The following COP1 variants were observed in gnomAD, a reference collection of about 807,000 sequenced individuals.
The protein encoded by COP1 is COP1 E3 ubiquitin ligase.
In COP1, 24 loss-of-function variants were observed where a neutral mutation model predicts 101.3. That is an observed-to-expected ratio of 0.24 (90% confidence interval 0.17 to 0.33). The LOEUF is 0.33. COP1 is among the 10% of genes least tolerant of loss of function. The probability of loss-of-function intolerance (pLI) is 1.00; values close to 1 mark genes in which losing one functional copy is unlikely to be tolerated. For synonymous variants in COP1, 347 were observed against 341.9 expected, an observed-to-expected ratio of 1.01 and a Z score of -0.17; for missense variants, 663 against 906.2, an observed-to-expected ratio of 0.73 and a Z score of 3.45.
At chr1:175,956,302 G>C (rs922842448) in intron 18 of COP1, among the ~76,000 whole-genome samples, 2 of 151,952 alleles carry the variant, frequency 1.3e-5, no homozygotes, top group Non-Finnish European at 2.9e-5. Context: ...AACCATATGT[G>C]TGCTAAAACA....
At chr1:176,173,839 T>G (rs1410558870) in intron 3 of COP1, among the ~76,000 whole-genome samples, 1 of 150,830 alleles carries the variant, frequency 6.6e-6, no homozygotes, top group Non-Finnish European at 1.5e-5. Flanking sequence ...AACACAAAAA[T>G]TAGCCGGGTA....
intron 18 of COP1, chr1:175,968,258 G>C (rs1652472016): frequency 4.1e-6 from 1 of 241,170 alleles, no homozygotes; most frequent in South Asian, 5.1e-5. Context: ...AAACTCGTAA[G>C]ATACCTCAAA....
At chr1:176,010,297 A>G (rs1664423000) in intron 15 of COP1, among the ~76,000 whole-genome samples, 1 of 152,200 alleles carries the variant, frequency 6.6e-6, no homozygotes, top group Non-Finnish European at 1.5e-5. Flanking sequence ...ATATCATTAT[A>G]TCACACTCAA....
At chr1:176,098,116 C>CT (rs1187353153) in intron 9 of COP1, among the ~76,000 whole-genome samples, 2 of 152,004 alleles carry the variant, frequency 1.3e-5, no homozygotes, top group African/African-American at 2.4e-5. Flanking sequence ...TATAACCTGC[C>CT]TTTTTTGGTT....
intron 1 of COP1, among the ~76,000 whole-genome samples, chr1:176,192,013 G>C (rs573956466): frequency 1.1e-4 from 16 of 152,162 alleles, no homozygotes; most frequent in African/African-American, 3.9e-4. Flanking sequence ...AAAAGGATGA[G>C]ACCACAATGG....
chr1:176,021,132 G>A (rs1414431187), intron 15 of COP1, among the ~76,000 whole-genome samples: 1 of 152,164 alleles, frequency 6.6e-6, no homozygotes, highest in African/African-American at 2.4e-5. Context: ...CCAGGTGTGA[G>A]CCACCAGGTC....
At chr1:176,005,789 T>C (rs1448746928) in intron 15 of COP1, among the ~76,000 whole-genome samples, 2 of 152,002 alleles carry the variant, frequency 1.3e-5, no homozygotes, top group African/African-American at 4.8e-5. Context: ...AATTTTGGAA[T>C]AGGTGTGGTG....
At chr1:176,037,040 T>G (rs1669680421) in intron 14 of COP1, among the ~76,000 whole-genome samples, 1 of 152,112 alleles carries the variant, frequency 6.6e-6, no homozygotes, top group South Asian at 2.1e-4. Flanking sequence ...AATTCTTAGT[T>G]AAAACCTTCA....
intron 18 of COP1, among the ~76,000 whole-genome samples, chr1:175,957,737 T>C (rs994863702): frequency 6.6e-6 from 1 of 152,204 alleles, no homozygotes. Context: ...TTTATGAATG[T>C]TTACAGCGGC....
intron 12 of COP1, among the ~76,000 whole-genome samples, chr1:176,044,839 C>T (rs1001726950): frequency 1.3e-5 from 2 of 152,174 alleles, no homozygotes; most frequent in African/African-American, 4.8e-5. Flanking sequence ...AAGTATTGCA[C>T]ATTTTTACAC....
chr1:175,949,168 CAAAAAAAAAA>C (rs56280543), intron 18 of COP1, among the ~76,000 whole-genome samples: 1 of 43,142 alleles, frequency 2.3e-5, no homozygotes, highest in Non-Finnish European at 3.8e-5. Flanking sequence ...GGCTCCGTCT[CAAAAAAAAAA>C]AAAAAAAAAA....
At chr1:176,106,642 T>A (rs1398642782) in intron 9 of COP1, among the ~76,000 whole-genome samples, 2 of 152,176 alleles carry the variant, frequency 1.3e-5, no homozygotes, top group Non-Finnish European at 2.9e-5. Flanking sequence ...ACAGCTTCAA[T>A]TCCCTATTAT....
At chr1:176,063,482 A>G (rs1392896317) in intron 11 of COP1, among the ~76,000 whole-genome samples, 1 of 152,248 alleles carries the variant, frequency 6.6e-6, no homozygotes. Flanking sequence ...TTGTGATTTT[A>G]TATTTCTTAA....
rs141758186 is a variant in COP1 at position 176,099,488 on chromosome 1, A to T, written c.1027-13598T>A. Among the ~76,000 whole-genome samples, 1,400 of 148,434 alleles carry T rather than the reference A, an allele frequency of 9.4e-3. 24 individuals are homozygous for T. The highest frequency in any genetic ancestry group is 0.033 in the African/African-American group (1,330 of 40,200). ...TGAGTATGGCACACTCCTGTGAAAA[A>T]AATTTGGAGCATATTTGTCTCTCTC... is the stretch of plus-strand genomic sequence containing the variant. On this transcript the variant is annotated intron_variant, in intron 9 of 19. Coordinates refer to ENST00000367669, the MANE Select transcript of COP1 (RefSeq NM_022457.7).
rs148777449 is a variant in COP1, at chr1:175,966,093, T to G, written c.2134-18854A>C. 6.2e-3 allele frequency among the ~76,000 whole-genome samples: 939 copies of G among 152,298 alleles called. 13 individuals carry two copies. Among genetic ancestry groups the G allele is most frequent in the African/African-American group, 0.021 (886 of 41,554 alleles). On this transcript the variant is annotated intron_variant, in intron 18 of 19. Coordinates refer to ENST00000367669, the MANE Select transcript of COP1 (RefSeq NM_022457.7). ...TTTTTGTCCCTGACTTTTCTTTCAG[T>G]ATGTGGTCTTTCAGAGTTGACTTGG...
chr1:176,183,348 AATAAT>A (rs1698028060), intron 2 of COP1, among the ~76,000 whole-genome samples: 1 of 152,236 alleles, frequency 6.6e-6, no homozygotes, highest in Non-Finnish European at 1.5e-5. Flanking sequence ...CTAAGGCTAA[AATAAT>A]ATGCCAACAG....
intron 1 of COP1, among the ~76,000 whole-genome samples, chr1:176,186,220 G>C (rs1457538206): frequency 6.6e-6 from 1 of 151,974 alleles, no homozygotes; most frequent in East Asian, 1.9e-4. Flanking sequence ...TTTTGAGAAA[G>C]GGGTATTTTA....
intron 1 of COP1, among the ~76,000 whole-genome samples, chr1:176,189,391 C>T (rs984483424): frequency 3.3e-5 from 5 of 151,104 alleles, no homozygotes; most frequent in African/African-American, 9.7e-5. Flanking sequence ...TTTCTTTTTC[C>T]GTTGGGAATT....
At chr1:176,107,040 C>A (rs1398216924) in intron 9 of COP1, among the ~76,000 whole-genome samples, 1 of 152,128 alleles carries the variant, frequency 6.6e-6, no homozygotes, top group African/African-American at 2.4e-5. Context: ...GGATCCCTTT[C>A]AATAAATACA....
Sources: allele counts gnomAD v4.1 joint callset (sites outside exome capture counted in the v4.1 genomes callset), GRCh38; gene constraint gnomAD v4.1.1; transcripts MANE v1.5; gene names NCBI Gene and HGNC (gene_info 2026-07-23, HGNC 2026-07-21).